The following FADS3 variants were observed in gnomAD, a reference collection of about 807,000 sequenced individuals.
FADS3 encodes the protein fatty acid desaturase 3.
Under a neutral mutation model 60.4 loss-of-function variants are expected in FADS3, and 30 were observed. The observed-to-expected ratio is 0.50, with a 90% confidence interval of 0.37 to 0.67. The LOEUF (loss-of-function observed/expected upper bound fraction) is 0.67. Among genes scored for constraint, FADS3 ranks in the 30% least tolerant of loss-of-function variants. The pLI is 0.00. For synonymous variants in FADS3, 234 were observed against 249.3 expected (o/e 0.94, Z 0.58); for missense variants, 432 against 598.3 (o/e 0.72, Z 2.90).
intron 11 of FADS3, among the ~76,000 whole-genome samples, chr11:61,874,134 G>A (rs556839650): frequency 1.3e-5 from 2 of 152,348 alleles, no homozygotes; most frequent in African/African-American, 2.4e-5. Context: ...GAGCCTGGGT[G>A]GGCCTGTCCC....
At chr11:61,889,561 C>A (rs904370398) in intron 1 of FADS3, among the ~76,000 whole-genome samples, 1 of 151,708 alleles carries the variant, frequency 6.6e-6, no homozygotes, top group Non-Finnish European at 1.5e-5. Flanking sequence ...GCAGGAGAAT[C>A]GCTTGAACCT....
In FADS3 at chr11:61,876,193, G is replaced by T; in HGVS notation, c.1081-3C>A. On this transcript the variant is annotated splice_region_variant and splice_polypyrimidine_tract_variant and intron_variant, in intron 9 of 11. Transcript: ENST00000278829. The surrounding 1 kb of genome is among the most constrained non-coding windows in gnomAD (Gnocchi z 5.7). ...TCCACGTTGCAGGTGGCTGCCAGCT[G>T]CCGGAAGCCGGCGGGGCACATGTGA... The T allele has an allele frequency of 6.3e-7, 1 of 1,595,308 alleles. No homozygotes were observed. Among genetic ancestry groups the T allele is most frequent in the Non-Finnish European group, 8.5e-7 (1 of 1,171,698 alleles).
chr11:61,879,061 C>T (rs924697310), intron 3 of FADS3, among the ~76,000 whole-genome samples: 1 of 152,210 alleles, frequency 6.6e-6, no homozygotes, highest in Non-Finnish European at 1.5e-5. Context: ...GCAGCAGCCT[C>T]TGGCTCAGTG....
intron 1 of FADS3, among the ~76,000 whole-genome samples, chr11:61,889,240 GA>G (rs1938413257): frequency 6.6e-6 from 1 of 152,206 alleles, no homozygotes. Flanking sequence ...GAATCAATGA[GA>G]AAACTGTGTG....
intron 1 of FADS3, among the ~76,000 whole-genome samples, chr11:61,888,596 A>G (rs551342531): frequency 6.6e-6 from 1 of 152,318 alleles, no homozygotes; most frequent in South Asian, 2.1e-4. Flanking sequence ...CCGTAACCAA[A>G]TAAGGTCACC....
At chr11:61,875,800 C>A in intron 11 of FADS3, 51 bp downstream of exon 11, 1 of 1,593,084 alleles carries the variant, frequency 6.3e-7, no homozygotes, top group Non-Finnish European at 8.6e-7. Flanking sequence ...CAAGGGTAGG[C>A]ATAGGCCCTG....
intron 1 of FADS3, among the ~76,000 whole-genome samples, chr11:61,888,843 T>C (rs1355291175): frequency 6.6e-6 from 1 of 152,140 alleles, no homozygotes; most frequent in African/African-American, 2.4e-5. Context: ...TCAAGGTCGC[T>C]CAGTGCCTCC....
At chr11:61,890,971 C>T (rs1450916091) in intron 1 of FADS3, among the ~76,000 whole-genome samples, 198 bp downstream of exon 1, 1 of 152,240 alleles carries the variant, frequency 6.6e-6, no homozygotes, top group African/African-American at 2.4e-5. Flanking sequence ...GCTGCGGGTC[C>T]TCCACGCAGG....
At chr11:61,883,229 C>A (rs565069416) in intron 1 of FADS3, among the ~76,000 whole-genome samples, 1 of 152,164 alleles carries the variant, frequency 6.6e-6, no homozygotes, top group African/African-American at 2.4e-5. Flanking sequence ...CCCCCTGCCC[C>A]GGCAACCACC....
intron 1 of FADS3, chr11:61,882,302 G>A (rs1938164945): frequency 6.6e-6 from 1 of 151,718 alleles, no homozygotes; most frequent in Admixed American, 6.6e-5. Flanking sequence ...TTTTTGTAGA[G>A]ATGAGGTTTG....
intron 1 of FADS3, among the ~76,000 whole-genome samples, chr11:61,887,014 G>A (rs754565610): frequency 7.2e-5 from 11 of 152,204 alleles, no homozygotes; most frequent in Non-Finnish European, 1.0e-4. Context: ...CTCCTCATCC[G>A]CCCTGAGTTG....
intron 1 of FADS3, chr11:61,882,107 T>G (rs1156625235): frequency 4.6e-5 from 6 of 130,830 alleles, no homozygotes; most frequent in Non-Finnish European, 9.8e-5. Context: ...TGTTTTTTTT[T>G]TTTTTTTTTT....
chr11:61,878,148 C>T lies in FADS3; in HGVS notation c.808+7G>A, dbSNP rs780254020. On this transcript the variant is annotated splice_region_variant and intron_variant, in intron 6 of 11. Transcript: ENST00000278829. ...CCCCCACCCCAGAAGGACAGATGGA[C>T]ACTCACTCAGGAAGAAGTACAGGTG... 2.4e-5 allele frequency: 39 copies of T among 1,613,566 alleles called. No homozygotes were observed. Among genetic ancestry groups the T allele is most frequent in the Non-Finnish European group, 3.3e-5 (39 of 1,179,580 alleles).
intron 1 of FADS3, among the ~76,000 whole-genome samples, chr11:61,889,608 T>C (rs1024314530): frequency 5.9e-5 from 9 of 151,962 alleles, no homozygotes; most frequent in Non-Finnish European, 1.3e-4. Flanking sequence ...GATGGCGCCA[T>C]TGCACTCCAG....
chr11:61,874,288 G>A (rs890046149), intron 11 of FADS3, among the ~76,000 whole-genome samples: 1 of 152,252 alleles, frequency 6.6e-6, no homozygotes, highest in Non-Finnish European at 1.5e-5. Flanking sequence ...GAAGCCCTGT[G>A]CCAGGCGCTC....
At chr11:61,879,557 C>T (rs1427809173) in intron 2 of FADS3, 48 bp from the exon 3 acceptor site, 5 of 1,517,916 alleles carry the variant, frequency 3.3e-6, no homozygotes, top group African/African-American at 1.4e-5. Context: ...TTCCTCCCCA[C>T]CCCCATTCTC....
chr11:61,875,523 G>T (rs538340372), intron 11 of FADS3, among the ~76,000 whole-genome samples: 1 of 151,150 alleles, frequency 6.6e-6, no homozygotes, highest in Admixed American at 6.6e-5. Flanking sequence ...GTGAGCCACC[G>T]CACCCGGCCC....
chr11:61,878,876 T>C (rs768786562), intron 3 of FADS3, 29 bp from the exon 4 acceptor site: 3 of 1,606,522 alleles, frequency 1.9e-6, no homozygotes, highest in East Asian at 2.2e-5. Context: ...TCAGAAGCTG[T>C]TGGGAAGGAC....
At chr11:61,881,130 A>G (rs1938114707) in intron 1 of FADS3, 1 of 152,278 alleles carries the variant, frequency 6.6e-6, no homozygotes, top group Non-Finnish European at 1.5e-5. Context: ...TGGGCCACAT[A>G]GTGAGACCTT....
Sources: allele counts gnomAD v4.1 joint callset (sites outside exome capture counted in the v4.1 genomes callset), GRCh38; gene constraint gnomAD v4.1.1; non-coding constraint Gnocchi (gnomAD v3.1); transcripts MANE v1.5; gene names NCBI Gene and HGNC (gene_info 2026-07-23, HGNC 2026-07-21).